The following EIF2B3 variants were observed in gnomAD, a reference collection of about 807,000 sequenced individuals.
EIF2B3 encodes translation initiation factor eIF2B subunit gamma.
In EIF2B3, 20 loss-of-function variants were observed where a neutral mutation model predicts 54.1. The ratio of observed to expected loss-of-function variants is 0.37; its 90% CI spans 0.26 to 0.54. The LOEUF (loss-of-function observed/expected upper bound fraction) is 0.54, where lower values mean the gene tolerates loss of function less well. EIF2B3 is among the 20% of genes least tolerant of loss of function. EIF2B3 has a pLI of 0.86. For missense variants in EIF2B3, 448 were observed against 547.8 expected (o/e 0.82, Z 1.82); for synonymous variants, 153 against 188.1 (o/e 0.81, Z 1.52).
chr1:44,920,240 T>A (rs1440896863), intron 5 of EIF2B3, among the ~76,000 whole-genome samples: 1 of 151,988 alleles, frequency 6.6e-6, no homozygotes, highest in African/African-American at 2.4e-5. Context: ...TTAATTTAAT[T>A]TTTAATTTTT....
chr1:44,967,778 G>A (rs887111735), intron 3 of EIF2B3, among the ~76,000 whole-genome samples: 164 of 147,214 alleles, frequency 1.1e-3, no homozygotes, highest in South Asian at 3.9e-3. Context: ...ACGGTGTCAC[G>A]CCTGTAATCC....
At position 44,958,878 on chromosome 1, in the gene EIF2B3, G is replaced by C. The variant is rs898981407; in HGVS notation, c.295-17213C>G. On this transcript the variant is annotated intron_variant, in intron 3 of 11. Transcript: ENST00000360403. ...GGTACATCAGGAACATCTCTATCAA[G>C]AACACAATTTCATCAAGGCTGAGGG... 4.7e-6 allele frequency: 4 copies of C among 851,082 alleles called. No individual in the cohort carries two copies. The Admixed American group carries it at 7.1e-5, about 15-fold the overall frequency. 52.7% of individuals were successfully genotyped at this position (851,082 alleles called of 1,614,324 possible).
rs3074632 is a variant in EIF2B3 at position 44,918,072 on chromosome 1, CTTTTTTT to C, written c.566+8549_566+8555del. 1.2e-4 allele frequency among the ~76,000 whole-genome samples: 11 copies of C among 88,630 alleles called. No homozygotes were observed. In the South Asian group the frequency reaches 2.9e-3, roughly 23 times the overall value. The allele number at this position is 88,630 out of a possible 152,430, so 58.1% of individuals were successfully genotyped here. ...ACAGGCATGAGCCACTGTGCCCAGC[CTTTTTTT>C]TTTTTTTTTTTTTTTTGAGATGGAG... On this transcript the variant is annotated intron_variant, in intron 5 of 11. Coordinates refer to ENST00000360403, the MANE Select transcript of EIF2B3 (RefSeq NM_020365.5).
chr1:44,880,602 G>A (rs1040466237), intron 7 of EIF2B3, among the ~76,000 whole-genome samples: 7 of 152,100 alleles, frequency 4.6e-5, no homozygotes, highest in African/African-American at 1.4e-4. Context: ...CTCTTACAAC[G>A]ATCCTTTGAG....
At position 44,951,954 on chromosome 1, in the gene EIF2B3, A is replaced by ATTTTTTTTTTTT. The variant is rs1171020644; in HGVS notation, c.295-10301_295-10290dup. The stretch of plus-strand genomic sequence containing the variant: ...AGGGGCGCACCACCATGCCTGGCTA[A>ATTTTTTTTTTTT]TTTTTTTTTTTTTTTTTTTTTTTTT... On this transcript the variant is annotated intron_variant, in intron 3 of 11. Coordinates refer to ENST00000360403, the MANE Select transcript of EIF2B3 (RefSeq NM_020365.5). 3.0e-3 allele frequency among the ~76,000 whole-genome samples: 134 copies of ATTTTTTTTTTTT among 44,650 alleles called. 19 individuals are homozygous for ATTTTTTTTTTTT. The East Asian group carries it at 0.043, about 14-fold the overall frequency. The allele number at this position is 44,650 out of a possible 152,430, so 29.3% of individuals were successfully genotyped here. A position where few individuals can be genotyped will look rare whatever the true frequency, so the allele number is the denominator to read the frequency against.
intron 3 of EIF2B3, among the ~76,000 whole-genome samples, chr1:44,971,764 G>A (rs1644401079): frequency 6.6e-6 from 1 of 152,206 alleles, no homozygotes; most frequent in Non-Finnish European, 1.5e-5. Context: ...TGGGTGAGGT[G>A]GCTCATGCCT....
rs185942826 is a variant in EIF2B3 at position 44,859,575 on chromosome 1, T to C, written c.1203-1768A>G. On this transcript the variant is annotated intron_variant, in intron 10 of 11. Transcript: ENST00000360403. Reference sequence around the variant, plus strand: ...CAGCAGGCTGAGGCAGGAGAATCAATTGAACCTGGGAGGCGGAGGTTGCAG... The same window carrying C: ...CAGCAGGCTGAGGCAGGAGAATCAACTGAACCTGGGAGGCGGAGGTTGCAG... Among the ~76,000 whole-genome samples the C allele has an allele frequency of 6.7e-3, 1,011 of 151,746 alleles. 13 individuals carry two copies. The highest frequency in any genetic ancestry group is 0.023 in the African/African-American group (961 of 41,386).
At chr1:44,922,591 C>CA (rs58626731) in intron 5 of EIF2B3, among the ~76,000 whole-genome samples, 29,013 of 87,480 alleles carry the variant, frequency 0.33, 4,574 homozygotes, top group African/African-American at 0.45. Context: ...TGTCTCAAGA[C>CA]AAAAAAAAAA....
chr1:44,932,159 C>A (rs1030359867), intron 4 of EIF2B3, among the ~76,000 whole-genome samples: 1 of 151,940 alleles, frequency 6.6e-6, no homozygotes, highest in African/African-American at 2.4e-5. Context: ...TAATAAACAT[C>A]ATTTTAACTG....
At chr1:44,943,662 A>C (rs927076286) in intron 3 of EIF2B3, among the ~76,000 whole-genome samples, 10 of 150,520 alleles carry the variant, frequency 6.6e-5, no homozygotes, top group Admixed American at 2.0e-4. Flanking sequence ...GGACTCAAGC[A>C]ATTTGCCCAC....
chr1:44,953,471 A>G (rs961205041), intron 3 of EIF2B3, among the ~76,000 whole-genome samples: 3 of 152,124 alleles, frequency 2.0e-5, no homozygotes, highest in African/African-American at 7.2e-5. Context: ...TAACTTGCCA[A>G]TTCTCTTTAT....
intron 6 of EIF2B3, among the ~76,000 whole-genome samples, chr1:44,883,600 C>T (rs1172065807): frequency 1.3e-5 from 2 of 152,196 alleles, no homozygotes; most frequent in Non-Finnish European, 2.9e-5. Flanking sequence ...ATCAGCAGCA[C>T]TCATTCCCTA....
At chr1:44,918,675 G>A (rs1051208022) in intron 5 of EIF2B3, among the ~76,000 whole-genome samples, 1 of 152,216 alleles carries the variant, frequency 6.6e-6, no homozygotes, top group Non-Finnish European at 1.5e-5. Flanking sequence ...ACAGGCGTAA[G>A]CCACTGCACC....
chr1:44,982,279 TAGA>T (rs1336296645), intron 1 of EIF2B3, among the ~76,000 whole-genome samples: 2 of 152,154 alleles, frequency 1.3e-5, no homozygotes, highest in Non-Finnish European at 2.9e-5. Context: ...AGAGGCACAG[TAGA>T]AGGTCATAAA....
chr1:44,978,621 CTTT>C (rs57964686), intron 2 of EIF2B3, among the ~76,000 whole-genome samples, 161 bp from the exon 3 acceptor site: 221 of 76,532 alleles, frequency 2.9e-3, no homozygotes, highest in African/African-American at 0.011. Flanking sequence ...CCAATAAATT[CTTT>C]TTTTTTTTTT....
At chr1:44,878,442 T>C (rs1427195056) in intron 8 of EIF2B3, among the ~76,000 whole-genome samples, 1 of 152,060 alleles carries the variant, frequency 6.6e-6, no homozygotes, top group Admixed American at 6.5e-5. Flanking sequence ...TTTGTATTTT[T>C]AGTAGAGACA....
chr1:44,877,220 A>AAAAC (rs1557666602), intron 8 of EIF2B3, among the ~76,000 whole-genome samples: 2 of 148,572 alleles, frequency 1.3e-5, no homozygotes, highest in East Asian at 4.0e-4. Flanking sequence ...AAAAAAAAAA[A>AAAAC]AACACCTTAG....
In EIF2B3 at chr1:44,897,695, A is replaced by ATCATATCAC. The variant is rs1656019245; in HGVS notation, c.567-260_567-252dup. Among the ~76,000 whole-genome samples, 4 of 151,778 alleles carry ATCATATCAC rather than the reference A, an allele frequency of 2.6e-5. No homozygotes were observed. The South Asian group carries it at 8.3e-4, about 32-fold the overall frequency. On this transcript the variant is annotated intron_variant, in intron 5 of 11. Coordinates refer to ENST00000360403, the MANE Select transcript of EIF2B3 (RefSeq NM_020365.5). ...CGATTCTAAAGAAATCTGGTGAGAC[A>ATCATATCAC]TCATATCACTGATAATCTACCTTCT...
intron 3 of EIF2B3, among the ~76,000 whole-genome samples, chr1:44,966,418 G>A (rs552400295): frequency 8.6e-5 from 12 of 140,258 alleles, no homozygotes; most frequent in African/African-American, 2.7e-4. Flanking sequence ...CAGCCTGGGC[G>A]ACAGAGCGAG....
Sources: allele counts gnomAD v4.1 joint callset (sites outside exome capture counted in the v4.1 genomes callset), GRCh38; gene constraint gnomAD v4.1.1; transcripts MANE v1.5; gene names NCBI Gene and HGNC (gene_info 2026-07-23, HGNC 2026-07-21).